ASH1L: variants seen among roughly 807,000 people sequenced by gnomAD.
The protein encoded by ASH1L is histone-lysine N-methyltransferase ASH1L.
In ASH1L, 23 loss-of-function variants were observed where a neutral mutation model predicts 269.0. The observed-to-expected ratio is 0.09, with a 90% confidence interval of 0.06 to 0.12. ASH1L has a LOEUF of 0.12. Ranked by LOEUF, ASH1L falls within the 10% of genes least tolerant of loss-of-function variation. The pLI, the probability that ASH1L is intolerant of heterozygous loss-of-function variation, is 1.00. For synonymous variants in ASH1L, 1,187 were observed against 1,253.5 expected (o/e 0.95, Z 1.12); for missense variants, 2,912 against 3,567.8 (o/e 0.82, Z 4.68).
intron 1 of ASH1L, among the ~76,000 whole-genome samples, chr1:155,547,255 G>A (rs1670894897): frequency 6.6e-6 from 1 of 150,414 alleles, no homozygotes; most frequent in South Asian, 2.1e-4. Flanking sequence ...TGAGGGCCAT[G>A]ACTACTCACC....
Position 155,510,338 on chromosome 1 carries a change from C to T in ASH1L, c.420+10762G>A, listed in dbSNP as rs562473637. Among the ~76,000 whole-genome samples, 55 of 145,766 alleles carry T rather than the reference C, an allele frequency of 3.8e-4. No individual in the cohort carries two copies. The South Asian group carries it at 6.1e-3, about 16-fold the overall frequency. ...CTGAGGCAAGACAAAAGCTTGAACC[C>T]GGGAGGCGGAGGTTGTAGTGAGCCG... is the stretch of plus-strand genomic sequence containing the variant. On this transcript the variant is annotated intron_variant, in intron 2 of 27. Coordinates refer to ENST00000392403, the MANE Select transcript of ASH1L (RefSeq NM_018489.3).
intron 12 of ASH1L, among the ~76,000 whole-genome samples, chr1:155,369,870 A>C (rs1244560345): frequency 2.0e-5 from 3 of 152,162 alleles, no homozygotes; most frequent in East Asian, 1.9e-4. Context: ...CCCGGGTTCA[A>C]GTAATTCTCC....
Position 155,482,086 on chromosome 1 carries a change from C to T in ASH1L, c.784G>A (p.Val262Ile). Residue 262 changes from valine (V) to isoleucine (I), a missense_variant, in exon 3 of 28, where the codon GTA becomes ATA. Coordinates refer to ENST00000392403, the MANE Select transcript of ASH1L (RefSeq NM_018489.3). ...DLIRKAGVGS[V>I]AGIIHKDLIK... The stretch of plus-strand genomic sequence containing the variant: ...AAGTCCTTATGTATTATTCCAGCTA[C>T]AGAGCCAACACCTGCTTTCCTGATC... 1 of 1,614,114 alleles carries T rather than the reference C, an allele frequency of 6.2e-7. No individual in the cohort carries two copies. The highest frequency in any genetic ancestry group is 8.5e-7 in the Non-Finnish European group (1 of 1,180,008).
intron 4 of ASH1L, among the ~76,000 whole-genome samples, chr1:155,450,331 G>T (rs1038115501): frequency 6.6e-6 from 1 of 152,144 alleles, no homozygotes. Context: ...CGATCTGTGG[G>T]ATATAGTTTT....
chr1:155,505,049 G>A (rs1464897142), intron 2 of ASH1L, among the ~76,000 whole-genome samples: 1 of 151,908 alleles, frequency 6.6e-6, no homozygotes, highest in Non-Finnish European at 1.5e-5. Context: ...AAAAACCAAA[G>A]AAAAATCCTA....
chr1:155,423,170 A>T (rs1660852366), intron 5 of ASH1L, among the ~76,000 whole-genome samples: 1 of 143,650 alleles, frequency 7.0e-6, no homozygotes, highest in Non-Finnish European at 1.5e-5. Flanking sequence ...GCTGATCACA[A>T]TCTCCTGACC....
At chr1:155,351,061 C>A (rs1336113213) in intron 17 of ASH1L, among the ~76,000 whole-genome samples, 2 of 146,454 alleles carry the variant, frequency 1.4e-5, no homozygotes, top group Non-Finnish European at 3.0e-5. Flanking sequence ...CATGGTGAAA[C>A]CCTGTCTCTA....
Position 155,338,196 on chromosome 1 carries a change from C to T in ASH1L, c.8696G>A (p.Ser2899Asn), listed in dbSNP as rs906842292. 4 of 1,613,910 alleles carry T rather than the reference C, an allele frequency of 2.5e-6. No individual in the cohort carries two copies. The highest frequency in any genetic ancestry group is 3.4e-6 in the Non-Finnish European group (4 of 1,180,016). Residue 2899 changes from serine (S) to asparagine (N), a missense_variant, in exon 27 of 28, where the codon AGT becomes AAT. By Grantham distance (46) the Ser-to-Asn change is conservative. This residue lies in a region of ASH1L where 154 missense variants were observed against 165.0 expected (regional missense o/e 0.93). Coordinates refer to ENST00000392403, the MANE Select transcript of ASH1L (RefSeq NM_018489.3). ...GGTACAGGTTGACTGGGGTTCTTGACTACTTTCCTCTGTTTTTTTTTCACC... is the reference window on the plus strand; with the variant it reads ...GGTACAGGTTGACTGGGGTTCTTGATTACTTTCCTCTGTTTTTTTTTCACC... The part of the protein sequence containing the change: ...SEGEKKTEES[S>N]QEPQSTCTPE...
At chr1:155,528,331 T>C (rs1303681263) in intron 1 of ASH1L, among the ~76,000 whole-genome samples, 2 of 152,232 alleles carry the variant, frequency 1.3e-5, no homozygotes, top group African/African-American at 4.8e-5. Flanking sequence ...GCTAAGTTTG[T>C]CAGCTTTACC....
At chr1:155,495,772 C>T (rs1452671730) in intron 2 of ASH1L, among the ~76,000 whole-genome samples, 3 of 152,056 alleles carry the variant, frequency 2.0e-5, no homozygotes, top group Non-Finnish European at 2.9e-5. Flanking sequence ...CTGAGGCCAG[C>T]GGATCACTTG....
intron 2 of ASH1L, among the ~76,000 whole-genome samples, chr1:155,486,195 A>C (rs767599058): frequency 6.6e-6 from 1 of 152,156 alleles, no homozygotes; most frequent in Non-Finnish European, 1.5e-5. Flanking sequence ...CCCTCTTTAC[A>C]TGTGGCACCT....
In ASH1L at chr1:155,562,423, G is replaced by T; in HGVS notation, c.-370C>A. Reference sequence around the variant, plus strand: ...GCAAAGCGAACCCAAAATGGCGGCGGGAGCGGCGGCGGCGGCGGCGGCAGC... The same window carrying T: ...GCAAAGCGAACCCAAAATGGCGGCGTGAGCGGCGGCGGCGGCGGCGGCAGC... On this transcript the variant is annotated 5_prime_UTR_variant, in exon 1 of 28. Coordinates refer to ENST00000392403, the MANE Select transcript of ASH1L (RefSeq NM_018489.3). The T allele has an allele frequency of 2.0e-6, 3 of 1,484,086 alleles. No homozygotes were observed. Among genetic ancestry groups the T allele is most frequent in the Non-Finnish European group, 2.7e-6 (3 of 1,094,910 alleles). The allele number at this position is 1,484,086 out of a possible 1,614,324, so 91.9% of individuals were successfully genotyped here. A position where few individuals can be genotyped will look rare whatever the true frequency, so the allele number is the denominator to read the frequency against.
chr1:155,421,527 C>T (rs539415496), intron 5 of ASH1L, among the ~76,000 whole-genome samples: 10 of 151,190 alleles, frequency 6.6e-5, no homozygotes, highest in Admixed American at 5.9e-4. Flanking sequence ...AAAAAATAGC[C>T]GGGCATGGTG....
At chr1:155,457,146 G>T (rs931141130) in intron 4 of ASH1L, among the ~76,000 whole-genome samples, 7 of 152,096 alleles carry the variant, frequency 4.6e-5, no homozygotes, top group Admixed American at 2.0e-4. Context: ...AGCCTTTGTT[G>T]TTTTAAGCCT....
chr1:155,426,634 A>C (rs1442206857), intron 5 of ASH1L, among the ~76,000 whole-genome samples: 2 of 152,208 alleles, frequency 1.3e-5, no homozygotes, highest in South Asian at 4.1e-4. Context: ...AGATTTGTGT[A>C]TATCTTATGT....
chr1:155,472,282 T>C (rs1665164520), intron 3 of ASH1L, among the ~76,000 whole-genome samples: 1 of 152,136 alleles, frequency 6.6e-6, no homozygotes, highest in South Asian at 2.1e-4. Context: ...AGAGAGAGAC[T>C]CCATCTCAAA....
At chr1:155,436,617 C>T (rs527511416) in intron 5 of ASH1L, among the ~76,000 whole-genome samples, 5 of 151,494 alleles carry the variant, frequency 3.3e-5, no homozygotes, top group Admixed American at 3.3e-4. Flanking sequence ...CTGCCTCAGC[C>T]TCCCAAGTAG....
chr1:155,453,937 C>T (rs1292734413), intron 4 of ASH1L, among the ~76,000 whole-genome samples: 1 of 152,102 alleles, frequency 6.6e-6, no homozygotes, highest in Non-Finnish European at 1.5e-5. Context: ...CCCGTCTCTA[C>T]TAAAAATACA....
intron 26 of ASH1L, 51 bp downstream of exon 26, chr1:155,339,277 C>G: frequency 6.4e-7 from 1 of 1,551,770 alleles, no homozygotes; most frequent in Non-Finnish European, 8.9e-7. Context: ...TTGATCCATT[C>G]AAGCTCTTAG....
Sources: gnomAD v4.1 joint callset for allele counts (sites outside exome capture counted in the v4.1 genomes callset) on GRCh38, gnomAD v4.1.1 for gene constraint, gnomAD v4.1.1 regional missense constraint, MANE v1.5 for transcripts, NCBI Gene and HGNC (gene_info 2026-07-23, HGNC 2026-07-21) for gene names.